Variants in TCN2 observed in about 807,000 individuals in gnomAD.
TCN2 encodes transcobalamin-2.
In TCN2, 34 loss-of-function variants were observed where a neutral mutation model predicts 48.6. The observed-to-expected ratio is 0.70, with a 90% CI of 0.53 to 0.93. The LOEUF (loss-of-function observed/expected upper bound fraction) is 0.93, where lower values mean the gene tolerates loss of function less well. Among genes scored for constraint, TCN2 ranks in the 40% least tolerant of loss-of-function variants. The probability of loss-of-function intolerance (pLI) is 0.00; values close to 1 mark genes in which losing one functional copy is unlikely to be tolerated. For missense variants in TCN2, 652 were observed against 526.1 expected (o/e 1.24, Z -2.34); for synonymous variants, 283 against 212.5 (o/e 1.33, Z -2.89).
In TCN2 at chr22:30,607,229, GTC is replaced by G. The variant is rs757461881; in HGVS notation, c.-98_-97del. 4.8e-6 allele frequency: 6 copies of G among 1,242,414 alleles called. No homozygotes were observed. The African/African-American group carries it at 5.9e-5, about 12-fold the overall frequency. The allele number at this position is 1,242,414 out of a possible 1,614,324, so 77.0% of individuals were successfully genotyped here. A position where few individuals can be genotyped will look rare whatever the true frequency, so the allele number is the denominator to read the frequency against. ...GGATTAATCAGTGACAGGAAGCTGC[GTC>G]TCTCGGAGCGGTGACCAGCTGTGGT... On this transcript the variant is annotated 5_prime_UTR_variant, in exon 1 of 9. Transcript: ENST00000215838.
chr22:30,610,742 G>GT, intron 1 of TCN2, 129 bp from the exon 2 acceptor site: 1 of 899,524 alleles, frequency 1.1e-6, no homozygotes. Flanking sequence ...CCCCCTGCAA[G>GT]TTGGTGTGTG....
chr22:30,609,893 C>T (rs540906861), intron 1 of TCN2, among the ~76,000 whole-genome samples: 1 of 152,246 alleles, frequency 6.6e-6, no homozygotes, highest in East Asian at 1.9e-4. Flanking sequence ...GGGACCCAGA[C>T]CCACAGAGAT....
intron 8 of TCN2, 43 bp from the exon 9 acceptor site, chr22:30,626,417 A>ATTCTG: frequency 6.2e-7 from 1 of 1,607,228 alleles, no homozygotes; most frequent in Non-Finnish European, 8.5e-7. Flanking sequence ...GGGGTGCGAT[A>ATTCTG]TTCTGCCCAA....
chr22:30,623,321 A>G, intron 8 of TCN2: 1 of 528,194 alleles, frequency 1.9e-6, no homozygotes, highest in South Asian at 2.2e-5. Flanking sequence ...ACTAGAAGAA[A>G]ATTAACATCA....
Position 30,622,983 on chromosome 22 carries a change from C to T in TCN2, c.1122C>T (p.Ala374=). 1 of 1,614,104 alleles carries T rather than the reference C, an allele frequency of 6.2e-7. No individual in the cohort carries two copies. Among genetic ancestry groups the T allele is most frequent in the Non-Finnish European group, 8.5e-7 (1 of 1,180,004 alleles). ...ELGGFTYETQ[A]SLSGPYLTSV... ...CCTTCTGTAGATATGAAACACAGGC[C>T]TCCTTGTCAGGCCCCTACTTAACCT... The change falls in exon 8 of 9, where the codon GCC becomes GCT. Residue 374 remains alanine, a synonymous_variant. Transcript: ENST00000215838.
intron 7 of TCN2, among the ~76,000 whole-genome samples, chr22:30,618,203 G>A (rs1315039249): frequency 6.6e-6 from 1 of 151,236 alleles, no homozygotes; most frequent in African/African-American, 2.4e-5. Context: ...TCACACCTGA[G>A]GCGCTCAAAA....
intron 8 of TCN2, chr22:30,623,294 TAC>T: frequency 6.9e-6 from 3 of 432,562 alleles, no homozygotes; most frequent in Non-Finnish European, 1.2e-5. Context: ...CCAGACAGAT[TAC>T]AAAAAAAAAA....
intron 7 of TCN2, among the ~76,000 whole-genome samples, chr22:30,620,320 C>T (rs926298882): frequency 1.3e-5 from 2 of 152,202 alleles, no homozygotes; most frequent in African/African-American, 4.8e-5. Flanking sequence ...CTCTTTCTAG[C>T]TCTAGACAGC....
In TCN2 at chr22:30,610,963, A is replaced by G. The variant is rs761800308; in HGVS notation, c.157A>G (p.Ser53Gly). 6 of 1,614,080 alleles carry G rather than the reference A, an allele frequency of 3.7e-6. No homozygotes were observed. Among genetic ancestry groups the G allele is most frequent in the Non-Finnish European group, 5.1e-6 (6 of 1,180,040 alleles). ...GCTTTCCCTGGAGCACTTGAACCCCAGCATCTATGTGGGCCTACGCCTCTC... is the reference window on the plus strand; with the variant it reads ...GCTTTCCCTGGAGCACTTGAACCCCGGCATCTATGTGGGCCTACGCCTCTC... The part of the protein sequence containing the change: ...DRLSLEHLNP[S>G]IYVGLRLSSL... The change falls in exon 2 of 9, where the codon AGC becomes GGC. Residue 53 changes from serine to glycine, a missense_variant. Ser to Gly is a moderately conservative substitution (Grantham distance 56). Transcript: ENST00000215838.
At position 30,611,245 on chromosome 22, in the gene TCN2, G is replaced by A. The variant is rs920168164; in HGVS notation, c.257+182G>A. 6 of 721,668 alleles carry A rather than the reference G, an allele frequency of 8.3e-6. No homozygotes were observed. The African/African-American group carries it at 1.1e-4, about 13-fold the overall frequency. 44.7% of individuals were successfully genotyped at this position (721,668 alleles called of 1,614,324 possible). ...GGGTTGGTTGGATTAGATCAGAGATGCTAATGCAAGGCTCCTTTTGCTACT... is the reference window on the plus strand; with the variant it reads ...GGGTTGGTTGGATTAGATCAGAGATACTAATGCAAGGCTCCTTTTGCTACT... On this transcript the variant is annotated intron_variant, in intron 2 of 8. Coordinates refer to ENST00000215838, the MANE Select transcript of TCN2 (RefSeq NM_000355.4).
intron 3 of TCN2, among the ~76,000 whole-genome samples, chr22:30,613,411 C>T (rs1471894980): frequency 6.6e-6 from 1 of 152,202 alleles, no homozygotes; most frequent in Non-Finnish European, 1.5e-5. Flanking sequence ...TCCTGAGTAG[C>T]TGGGATTACA....
In TCN2 at chr22:30,613,054, C is replaced by G. The variant is rs923512913; in HGVS notation, c.427+12C>G. The G allele has an allele frequency of 7.4e-6, 12 of 1,613,432 alleles. No homozygotes were observed. The highest frequency in any genetic ancestry group is 1.0e-5 in the Non-Finnish European group (12 of 1,179,772). ...GAAGAGAGCCATTGGTGAGCAGACA[C>G]CATCCGCTGGGGGTGGGGAGCAGCT... On this transcript the variant is annotated intron_variant, in intron 3 of 8. Coordinates refer to ENST00000215838, the MANE Select transcript of TCN2 (RefSeq NM_000355.4).
At chr22:30,623,333 C>T in intron 8 of TCN2, 2 of 492,598 alleles carry the variant, frequency 4.1e-6, no homozygotes, top group Non-Finnish European at 7.3e-6. Context: ...TTAACATCAC[C>T]TAGGATATAC....
At position 30,623,921 on chromosome 22, in the gene TCN2, T is replaced by TATGTATACATATATACACACAC. The variant is rs1555896274; in HGVS notation, c.1222+840_1222+841insGTATACATATATACACACACAT. Reference sequence around the variant, plus strand: ...ATGTATACATATATATACACACATATATATGTATACATATATACACACACA... The same window carrying TATGTATACATATATACACACAC: ...ATGTATACATATATATACACACATATATGTATACATATATACACACACATATGTATACATATATACACACACA... On this transcript the variant is annotated intron_variant, in intron 8 of 8. Transcript: ENST00000215838. Among the ~76,000 whole-genome samples the TATGTATACATATATACACACAC allele has an allele frequency of 3.0e-4, 7 of 23,360 alleles. 1 individual carries two copies. Among genetic ancestry groups the TATGTATACATATATACACACAC allele is most frequent in the Non-Finnish European group, 6.1e-4 (7 of 11,450 alleles). 15.3% of individuals were successfully genotyped at this position (23,360 alleles called of 152,430 possible).
chr22:30,623,717 C>CACACATATATATGTATACATATAT lies in TCN2; in HGVS notation c.1222+636_1222+659dup, dbSNP rs2087735557. ...TATATGAAATATATATATATACAGA[C>CACACATATATATGTATACATATAT]ACACATATATATGTATACATATATA... On this transcript the variant is annotated intron_variant, in intron 8 of 8. Coordinates refer to ENST00000215838, the MANE Select transcript of TCN2 (RefSeq NM_000355.4). Among the ~76,000 whole-genome samples, 3 of 129,994 alleles carry CACACATATATATGTATACATATAT rather than the reference C, an allele frequency of 2.3e-5. No homozygotes were observed. The South Asian group carries it at 6.8e-4, about 29-fold the overall frequency. The allele number at this position is 129,994 out of a possible 152,430, so 85.3% of individuals were successfully genotyped here.
intron 8 of TCN2, among the ~76,000 whole-genome samples, chr22:30,624,990 G>C (rs941679894): frequency 6.6e-6 from 1 of 152,194 alleles, no homozygotes; most frequent in African/African-American, 2.4e-5. Context: ...GCCAAGGCAG[G>C]TGGATCACCT....
intron 8 of TCN2, among the ~76,000 whole-genome samples, chr22:30,623,789 C>T (rs866027641): frequency 3.5e-4 from 2 of 5,646 alleles, no homozygotes; most frequent in African/African-American, 1.6e-3. Flanking sequence ...TATATGTATA[C>T]ATATATACAC....
Position 30,626,697 on chromosome 22 carries a change from A to C in TCN2, c.*176A>C, listed in dbSNP as rs2145564066. 1 of 698,908 alleles carries C rather than the reference A, an allele frequency of 1.4e-6. No individual in the cohort carries two copies. Among genetic ancestry groups the C allele is most frequent in the Non-Finnish European group, 2.5e-6 (1 of 397,394 alleles). The allele number at this position is 698,908 out of a possible 1,614,324, so 43.3% of individuals were successfully genotyped here. A position where few individuals can be genotyped will look rare whatever the true frequency, so the allele number is the denominator to read the frequency against. On this transcript the variant is annotated 3_prime_UTR_variant, in exon 9 of 9. Transcript: ENST00000215838. ...CTTCGAGGGCCCTATACCATGGCCC[A>C]CCTTGGAGCAGAGAGCCAAGCATCT...
At chr22:30,626,157 T>C (rs1474337836) in intron 8 of TCN2, among the ~76,000 whole-genome samples, 2 of 152,204 alleles carry the variant, frequency 1.3e-5, no homozygotes, top group African/African-American at 4.8e-5. Context: ...TGCGTGGTCC[T>C]GGTTCTCTCT....
Sources: allele counts gnomAD v4.1 joint callset (sites outside exome capture counted in the v4.1 genomes callset), GRCh38; gene constraint gnomAD v4.1.1; transcripts MANE v1.5; gene names NCBI Gene and HGNC (gene_info 2026-07-23, HGNC 2026-07-21).